DCLK1: variants seen among roughly 807,000 people sequenced by gnomAD.
The protein encoded by DCLK1 is doublecortin like kinase 1.
Under a neutral mutation model 86.2 loss-of-function variants are expected in DCLK1, and 16 were observed. That is an observed-to-expected ratio of 0.19 (90% CI 0.13 to 0.28). DCLK1 has a LOEUF of 0.28. DCLK1 is among the 10% of genes least tolerant of loss of function. DCLK1 has a pLI of 1.00. For synonymous variants in DCLK1, 369 were observed against 370.5 expected (o/e 1.00, Z 0.05); for missense variants, 590 against 940.2 (o/e 0.63, Z 4.87).
chr13:35,898,511 G>T (rs1054257253), intron 4 of DCLK1, among the ~76,000 whole-genome samples: 1 of 152,118 alleles, frequency 6.6e-6, no homozygotes, highest in South Asian at 2.1e-4. Flanking sequence ...AATCAAAATT[G>T]GCTACGATCT....
intron 3 of DCLK1, among the ~76,000 whole-genome samples, chr13:36,069,072 A>G (rs1254789459): frequency 6.6e-6 from 1 of 152,252 alleles, no homozygotes; most frequent in African/African-American, 2.4e-5. Flanking sequence ...TTTAATCTTA[A>G]TAATCCCATG....
intron 15 of DCLK1, 165 bp downstream of exon 15, chr13:35,805,534 G>A: frequency 3.3e-6 from 2 of 609,550 alleles, no homozygotes; most frequent in Non-Finnish European, 5.6e-6. Context: ...CCTGAGCTCA[G>A]GCAATCCACC....
At chr13:35,798,392 TTAA>T (rs1288033146) in intron 15 of DCLK1, among the ~76,000 whole-genome samples, 1 of 152,244 alleles carries the variant, frequency 6.6e-6, no homozygotes, top group Non-Finnish European at 1.5e-5. Context: ...GACTCCATTA[TTAA>T]TATCTGTAAA....
At position 35,822,706 on chromosome 13, in the gene DCLK1, C is replaced by T. The variant is rs201836216; in HGVS notation, c.1554+23G>A. ...CATGAGTGCTTGGAACTCAGGATGC[C>T]CTGTAGGTGGAATTCCTCTTACCAG... On this transcript the variant is annotated intron_variant, in intron 11 of 16. Transcript: ENST00000360631. The T allele has an allele frequency of 4.0e-4, 640 of 1,613,538 alleles. No individual in the cohort carries two copies. The African/African-American group carries it at 7.7e-3, about 19-fold the overall frequency.
chr13:35,950,733 A>T (rs755152191), intron 3 of DCLK1, among the ~76,000 whole-genome samples: 6 of 152,138 alleles, frequency 3.9e-5, no homozygotes, highest in Non-Finnish European at 7.3e-5. Flanking sequence ...GAGAAAAGAG[A>T]GATGTCCAAC....
chr13:36,064,413 T>TA (rs1883671163), intron 3 of DCLK1, among the ~76,000 whole-genome samples: 1 of 152,042 alleles, frequency 6.6e-6, no homozygotes, highest in Non-Finnish European at 1.5e-5. Flanking sequence ...GTAATCCCAG[T>TA]ACTTTGGGAG....
At chr13:35,920,656 C>G (rs1342835113) in intron 4 of DCLK1, among the ~76,000 whole-genome samples, 1 of 152,156 alleles carries the variant, frequency 6.6e-6, no homozygotes, top group East Asian at 1.9e-4. Context: ...CCTACACACA[C>G]TGGTTCATCG....
rs554211373 is a variant in DCLK1, at chr13:35,778,344, A to G, written c.2059-3645T>C. Among the ~76,000 whole-genome samples, 3 of 152,346 alleles carry G rather than the reference A, an allele frequency of 2.0e-5. No homozygotes were observed. In the East Asian group the frequency reaches 5.8e-4, roughly 29 times the overall value. On this transcript the variant is annotated intron_variant, in intron 16 of 16. Coordinates refer to ENST00000360631, the MANE Select transcript of DCLK1 (RefSeq NM_001330071.2). The stretch of plus-strand genomic sequence containing the variant: ...TTACTCAAAATGATCCTATGGCATC[A>G]GTAGACTCATTGTCTTCCTTTACTG...
At chr13:35,941,478 C>T (rs143311023) in intron 4 of DCLK1, among the ~76,000 whole-genome samples, 3 of 152,302 alleles carry the variant, frequency 2.0e-5, no homozygotes, top group Non-Finnish European at 4.4e-5. Flanking sequence ...CCAGGAAGAA[C>T]AACACTGGAC....
At chr13:36,122,207 G>T (rs935571236) in intron 2 of DCLK1, among the ~76,000 whole-genome samples, 1 of 152,062 alleles carries the variant, frequency 6.6e-6, no homozygotes, top group Non-Finnish European at 1.5e-5. Context: ...TGAAGCATGG[G>T]TTTAATCCTG....
intron 3 of DCLK1, among the ~76,000 whole-genome samples, chr13:36,073,270 C>G (rs1884046136): frequency 6.6e-6 from 1 of 152,190 alleles, no homozygotes; most frequent in African/African-American, 2.4e-5. Flanking sequence ...CCCCAGACAA[C>G]CACTAATCTA....
At chr13:35,982,437 AGGGAGGGAGGGAGGGAGGGAGG>A (rs1879702995) in intron 3 of DCLK1, among the ~76,000 whole-genome samples, 1 of 24,668 alleles carries the variant, frequency 4.1e-5, no homozygotes, top group Non-Finnish European at 6.4e-5. Context: ...AGAGAGGGGG[AGGGAGGGAGGGAGGGAGGGAGG>A]GAGGGAGGGA....
chr13:35,867,586 T>G (rs921860191), intron 5 of DCLK1, among the ~76,000 whole-genome samples: 2 of 152,142 alleles, frequency 1.3e-5, no homozygotes, highest in African/African-American at 4.8e-5. Flanking sequence ...TTTAAACTTC[T>G]AAAAGGAATA....
At chr13:35,890,771 AC>A (rs1873594369) in intron 4 of DCLK1, among the ~76,000 whole-genome samples, 1 of 152,098 alleles carries the variant, frequency 6.6e-6, no homozygotes, top group African/African-American at 2.4e-5. Context: ...GTATTAGTTT[AC>A]TTTTCTTTAC....
chr13:35,973,956 A>T (rs1879195091), intron 3 of DCLK1, among the ~76,000 whole-genome samples: 1 of 152,160 alleles, frequency 6.6e-6, no homozygotes, highest in Non-Finnish European at 1.5e-5. Context: ...GGGGCAAAGG[A>T]GAGGGAAGAA....
At chr13:35,796,183 C>A (rs928794541) in intron 15 of DCLK1, among the ~76,000 whole-genome samples, 1 of 152,164 alleles carries the variant, frequency 6.6e-6, no homozygotes, top group Non-Finnish European at 1.5e-5. Context: ...AACAAGATTA[C>A]ACAAGTACTT....
intron 3 of DCLK1, among the ~76,000 whole-genome samples, chr13:36,099,495 G>A (rs1885123514): frequency 6.6e-6 from 1 of 152,076 alleles, no homozygotes; most frequent in Non-Finnish European, 1.5e-5. Context: ...CTTGCAGTGA[G>A]TCTGAAAGGA....
At chr13:35,992,486 G>A (rs1178628194) in intron 3 of DCLK1, among the ~76,000 whole-genome samples, 2 of 151,426 alleles carry the variant, frequency 1.3e-5, no homozygotes, top group African/African-American at 4.9e-5. Flanking sequence ...AGGAGTGAAA[G>A]GTGAAACAAA....
intron 3 of DCLK1, among the ~76,000 whole-genome samples, chr13:36,105,525 G>A (rs991986075): frequency 3.3e-5 from 5 of 152,128 alleles, no homozygotes; most frequent in African/African-American, 1.2e-4. Context: ...TTTCCAATAG[G>A]AGGATAAATT....
Sources: allele counts gnomAD v4.1 joint callset (sites outside exome capture counted in the v4.1 genomes callset), GRCh38; gene constraint gnomAD v4.1.1; transcripts MANE v1.5; gene names NCBI Gene and HGNC (gene_info 2026-07-23, HGNC 2026-07-21).